VWC2L: variants seen among roughly 807,000 people sequenced by gnomAD.
The protein encoded by VWC2L is von Willebrand factor C domain containing 2 like.
In VWC2L, 10 loss-of-function variants were observed where a neutral mutation model predicts 21.6. The observed-to-expected ratio is 0.46, with a 90% CI of 0.29 to 0.78. VWC2L has a LOEUF of 0.78. VWC2L is among the 30% of genes least tolerant of loss of function. The pLI, the probability that VWC2L is intolerant of heterozygous loss-of-function variation, is 0.10. For synonymous variants in VWC2L, 96 were observed against 94.3 expected (o/e 1.02, Z -0.10); for missense variants, 209 against 277.1 (o/e 0.75, Z 1.74).
At chr2:214,532,579 G>T (rs990506564) in intron 3 of VWC2L, among the ~76,000 whole-genome samples, 2 of 152,140 alleles carry the variant, frequency 1.3e-5, no homozygotes, top group African/African-American at 4.8e-5. Context: ...GAGACAAGAA[G>T]AAGGGCTAAT....
At chr2:214,532,950 C>A (rs1689464020) in intron 3 of VWC2L, among the ~76,000 whole-genome samples, 2 of 8,640 alleles carry the variant, frequency 2.3e-4, no homozygotes, top group Non-Finnish European at 1.0e-3. Context: ...CAGGCTGACT[C>A]CTGCATTTTT....
At chr2:214,470,827 G>A (rs1321715637) in intron 3 of VWC2L, among the ~76,000 whole-genome samples, 1 of 141,000 alleles carries the variant, frequency 7.1e-6, no homozygotes, top group East Asian at 2.3e-4. Context: ...TGAGGCAGGA[G>A]AATCGCTTGA....
At chr2:214,522,516 G>A (rs1574614736) in intron 3 of VWC2L, among the ~76,000 whole-genome samples, 1 of 152,130 alleles carries the variant, frequency 6.6e-6, no homozygotes, top group African/African-American at 2.4e-5. Context: ...GGGTACAGAA[G>A]ATGTTTCGTT....
At chr2:214,418,021 C>T (rs1388046371) in intron 2 of VWC2L, among the ~76,000 whole-genome samples, 2 of 152,080 alleles carry the variant, frequency 1.3e-5, no homozygotes, top group Non-Finnish European at 2.9e-5. Flanking sequence ...CTTTTTTTCC[C>T]TGTGTGTTTG....
intron 3 of VWC2L, among the ~76,000 whole-genome samples, chr2:214,543,665 A>G (rs1178708486): frequency 2.0e-5 from 3 of 152,074 alleles, no homozygotes; most frequent in Admixed American, 6.5e-5. Context: ...AAAAAAAAAA[A>G]AGACTAAGAG....
chr2:214,570,584 C>T (rs1675250174), intron 3 of VWC2L, among the ~76,000 whole-genome samples: 2 of 151,998 alleles, frequency 1.3e-5, no homozygotes, highest in South Asian at 4.1e-4. Flanking sequence ...AGGCTGGTCT[C>T]AAACTCCAGC....
At chr2:214,438,455 C>T (rs1449488956) in intron 3 of VWC2L, among the ~76,000 whole-genome samples, 2 of 151,876 alleles carry the variant, frequency 1.3e-5, no homozygotes, top group Admixed American at 6.6e-5. Flanking sequence ...TCTTGCCTTC[C>T]CCACATGGCT....
At position 214,489,263 on chromosome 2, in the gene VWC2L, C is replaced by A. The variant is rs1365681306; in HGVS notation, c.520+52505C>A. Among the ~76,000 whole-genome samples, 4 of 152,128 alleles carry A rather than the reference C, an allele frequency of 2.6e-5. No homozygotes were observed. In the East Asian group the frequency reaches 7.7e-4, roughly 29 times the overall value. On this transcript the variant is annotated intron_variant, in intron 3 of 3. Transcript: ENST00000312504. ...TGGTAGTGACAGGCAAATAGCATTT[C>A]ACAGTTATTATCCAGAAGATGTTAA...
intron 3 of VWC2L, among the ~76,000 whole-genome samples, chr2:214,530,977 G>T (rs867957192): frequency 6.6e-6 from 1 of 152,264 alleles, no homozygotes; most frequent in Admixed American, 6.5e-5. Flanking sequence ...TCAACAATGG[G>T]GGTGGTTTAA....
intron 3 of VWC2L, among the ~76,000 whole-genome samples, chr2:214,467,361 C>CACCAGTAGTTTGTCTTGCAA (rs142470802): frequency 0.067 from 10,196 of 152,172 alleles, 1,096 homozygotes; most frequent in African/African-American, 0.23. Flanking sequence ...GCTCAATCCT[C>CACCAGTAGTTTGTCTTGCAA]ACTCAAGCTG....
rs530767173 is a variant in VWC2L at position 214,512,198 on chromosome 2, G to A, written c.521-63474G>A. 3.3e-5 allele frequency among the ~76,000 whole-genome samples: 5 copies of A among 152,130 alleles called. No individual in the cohort carries two copies. In the South Asian group the frequency reaches 8.3e-4, roughly 25 times the overall value. On this transcript the variant is annotated intron_variant, in intron 3 of 3. Coordinates refer to ENST00000312504, the MANE Select transcript of VWC2L (RefSeq NM_001080500.4). ...CTAGCAAGCAACTGTGTTGCTACCTGGCCAAGCAAAAATAAACCAGCATGT... is the reference window on the plus strand; with the variant it reads ...CTAGCAAGCAACTGTGTTGCTACCTAGCCAAGCAAAAATAAACCAGCATGT...
intron 3 of VWC2L, among the ~76,000 whole-genome samples, chr2:214,530,530 T>A (rs1169833864): frequency 2.0e-5 from 3 of 152,118 alleles, no homozygotes; most frequent in Non-Finnish European, 4.4e-5. Flanking sequence ...GCTGAAAAGA[T>A]AGGCAGACAT....
intron 3 of VWC2L, among the ~76,000 whole-genome samples, chr2:214,491,861 A>G (rs1299789783): frequency 6.6e-6 from 1 of 152,160 alleles, no homozygotes; most frequent in Non-Finnish European, 1.5e-5. Context: ...TACCCCTATC[A>G]TAGCTACATA....
chr2:214,449,270 C>A (rs1047227819), intron 3 of VWC2L, among the ~76,000 whole-genome samples: 1 of 151,326 alleles, frequency 6.6e-6, no homozygotes, highest in Admixed American at 6.6e-5. Context: ...AAGTATTGAG[C>A]AGCTTTTCTG....
At chr2:214,558,891 T>C (rs946388753) in intron 3 of VWC2L, among the ~76,000 whole-genome samples, 3 of 152,076 alleles carry the variant, frequency 2.0e-5, no homozygotes, top group African/African-American at 7.2e-5. Flanking sequence ...TTTATTATAC[T>C]TTAAGTTTTA....
At chr2:214,523,200 A>G (rs1463194474) in intron 3 of VWC2L, among the ~76,000 whole-genome samples, 1 of 152,130 alleles carries the variant, frequency 6.6e-6, no homozygotes, top group African/African-American at 2.4e-5. Context: ...CTAATTGTTG[A>G]CCTCTGTGAC....
rs576171509 is a variant in VWC2L, at chr2:214,497,036, T to G, written c.520+60278T>G. Among the ~76,000 whole-genome samples, 5 of 152,318 alleles carry G rather than the reference T, an allele frequency of 3.3e-5. No individual in the cohort carries two copies. The South Asian group carries it at 8.3e-4, about 25-fold the overall frequency. ...AAAGAAAGGATGTTCTGTTCCATCG[T>G]TAAGGTGAGATGCAGATTTCCAATT... On this transcript the variant is annotated intron_variant, in intron 3 of 3. Coordinates refer to ENST00000312504, the MANE Select transcript of VWC2L (RefSeq NM_001080500.4).
intron 3 of VWC2L, among the ~76,000 whole-genome samples, chr2:214,448,918 C>T (rs1702913198): frequency 6.6e-6 from 1 of 152,174 alleles, no homozygotes; most frequent in Non-Finnish European, 1.5e-5. Flanking sequence ...TCTCCCAGCA[C>T]TCAATGCCCT....
intron 2 of VWC2L, among the ~76,000 whole-genome samples, chr2:214,425,007 G>T (rs1702500803): frequency 6.6e-6 from 1 of 152,182 alleles, no homozygotes; most frequent in Non-Finnish European, 1.5e-5. Flanking sequence ...GCCAGATCCA[G>T]TTCACAATCC....
Sources: allele counts gnomAD v4.1 joint callset (sites outside exome capture counted in the v4.1 genomes callset), GRCh38; gene constraint gnomAD v4.1.1; transcripts MANE v1.5; gene names NCBI Gene and HGNC (gene_info 2026-07-23, HGNC 2026-07-21).